The following TRPC6 variants were observed in gnomAD, a reference collection of about 807,000 sequenced individuals.
TRPC6 encodes transient receptor potential cation channel subfamily C member 6.
TRPC6 carries 55 observed loss-of-function variants against 90.7 expected under a neutral mutation model. That is an observed-to-expected ratio of 0.61 (90% CI 0.49 to 0.76). The LOEUF is 0.76. Among genes scored for constraint, TRPC6 ranks in the 30% least tolerant of loss-of-function variants. The pLI, the probability that TRPC6 is intolerant of heterozygous loss-of-function variation, is 0.00. For missense variants in TRPC6, 989 were observed against 1,122.7 expected (o/e 0.88, Z 1.70); for synonymous variants, 393 against 393.0 (o/e 1.00, Z 0.00).
rs1321025163 is a variant in TRPC6, at chr11:101,483,049, G to A, written c.1410C>T (p.Leu470=). 1 of 1,614,032 alleles carries A rather than the reference G, an allele frequency of 6.2e-7. No individual in the cohort carries two copies. The highest frequency in any genetic ancestry group is 1.7e-5 in the Admixed American group (1 of 60,000). The change falls in exon 5 of 13, where the codon CTC becomes CTT. Residue 470 remains leucine, a synonymous_variant. Transcript: ENST00000344327. ...TATCTGTGCTGGTTTCATTAGGAAG[G>A]AGTTTTGTGCCTTCAAATCTGTCAG... ...NAADRFEGTK[L]LPNETSTDNA...
chr11:101,485,373 C>G (rs1324093549), intron 4 of TRPC6, among the ~76,000 whole-genome samples: 3 of 151,544 alleles, frequency 2.0e-5, no homozygotes, highest in Admixed American at 6.6e-5. Context: ...TTTTCTTCTG[C>G]CTATTGTCCT....
At chr11:101,580,532 A>C (rs1248928967) in intron 1 of TRPC6, among the ~76,000 whole-genome samples, 1 of 152,192 alleles carries the variant, frequency 6.6e-6, no homozygotes, top group Non-Finnish European at 1.5e-5. Flanking sequence ...AAGATAATTT[A>C]CCATAATTTT....
At chr11:101,499,669 G>GTATA (rs1341193061) in intron 2 of TRPC6, among the ~76,000 whole-genome samples, 1 of 41,686 alleles carries the variant, frequency 2.4e-5, no homozygotes, top group African/African-American at 1.5e-4. Context: ...TATAAAATGT[G>GTATA]TATATATATA....
Position 101,511,792 on chromosome 11 carries a change from G to C in TRPC6, c.171-6994C>G, listed in dbSNP as rs947701391. Among the ~76,000 whole-genome samples the C allele has an allele frequency of 2.6e-5, 4 of 152,054 alleles. 1 individual carries two copies. The highest frequency in any genetic ancestry group is 4.8e-5 in the African/African-American group (2 of 41,366). Reference sequence around the variant, plus strand: ...GGATCACCTGAGGTCAGGAGTTTGAGATCGGCCTGGCCAACATGGTGAAAC... The same window carrying C: ...GGATCACCTGAGGTCAGGAGTTTGACATCGGCCTGGCCAACATGGTGAAAC... On this transcript the variant is annotated intron_variant, in intron 1 of 12. Transcript: ENST00000344327.
rs373238419 is a variant in TRPC6 at position 101,547,938 on chromosome 11, CTG to C, written c.170+35394_170+35395del. On this transcript the variant is annotated intron_variant, in intron 1 of 12. Coordinates refer to ENST00000344327, the MANE Select transcript of TRPC6 (RefSeq NM_004621.6). The stretch of plus-strand genomic sequence containing the variant: ...AGACAATTCTGACACCAAAATGTAA[CTG>C]TTATGTCAATACATATGCTGCAAAT... Among the ~76,000 whole-genome samples the C allele has an allele frequency of 1.1e-4, 16 of 152,216 alleles. No homozygotes were observed. In the East Asian group the frequency reaches 3.1e-3, roughly 29 times the overall value.
chr11:101,505,560 A>G (rs1860241787), intron 1 of TRPC6, among the ~76,000 whole-genome samples: 2 of 152,194 alleles, frequency 1.3e-5, no homozygotes, highest in Admixed American at 1.3e-4. Flanking sequence ...TATAGGTTTC[A>G]TTAATATGGG....
intron 1 of TRPC6, 35 bp from the exon 2 acceptor site, chr11:101,504,833 A>G: frequency 6.2e-7 from 1 of 1,607,394 alleles, no homozygotes; most frequent in Non-Finnish European, 8.5e-7. Flanking sequence ...AACAAATCAC[A>G]TTAAGAGCAT....
intron 1 of TRPC6, among the ~76,000 whole-genome samples, chr11:101,577,473 A>T (rs35868294): frequency 0.13 from 20,160 of 152,216 alleles, 1,814 homozygotes; most frequent in East Asian, 0.47. Flanking sequence ...AGGAGTAGAC[A>T]TATCTAATGT....
At chr11:101,556,854 C>A (rs2136854542) in intron 1 of TRPC6, among the ~76,000 whole-genome samples, 1 of 152,242 alleles carries the variant, frequency 6.6e-6, no homozygotes, top group African/African-American at 2.4e-5. Flanking sequence ...AAAAGATCAT[C>A]CTCCATGATC....
chr11:101,569,330 T>G (rs1428874895), intron 1 of TRPC6, among the ~76,000 whole-genome samples: 1 of 152,166 alleles, frequency 6.6e-6, no homozygotes, highest in Non-Finnish European at 1.5e-5. Flanking sequence ...ATCTTAAATA[T>G]ATGTGCACCC....
At chr11:101,528,705 A>G (rs570096995) in intron 1 of TRPC6, among the ~76,000 whole-genome samples, 9 of 152,274 alleles carry the variant, frequency 5.9e-5, no homozygotes, top group African/African-American at 2.2e-4. Flanking sequence ...GCCTGTGCAT[A>G]TCTGAAAAAC....
rs116946682 is a variant in TRPC6, at chr11:101,534,428, G to A, written c.171-29630C>T. 2.4e-3 allele frequency among the ~76,000 whole-genome samples: 371 copies of A among 152,194 alleles called. 11 individuals are homozygous for A. The East Asian group carries it at 0.062, about 26-fold the overall frequency. On this transcript the variant is annotated intron_variant, in intron 1 of 12. Transcript: ENST00000344327. Reference sequence around the variant, plus strand: ...TGGGATTACAGGCATTAGCCACTGCGACTGGTACCCCTTCACTTCTTATAC... The same window carrying A: ...TGGGATTACAGGCATTAGCCACTGCAACTGGTACCCCTTCACTTCTTATAC...
At chr11:101,523,253 C>T (rs1860702133) in intron 1 of TRPC6, among the ~76,000 whole-genome samples, 1 of 152,126 alleles carries the variant, frequency 6.6e-6, no homozygotes. Context: ...CTTTACTTGT[C>T]CCAAAACAGG....
intron 1 of TRPC6, among the ~76,000 whole-genome samples, chr11:101,547,491 A>G (rs1861333982): frequency 6.6e-6 from 1 of 151,534 alleles, no homozygotes; most frequent in Non-Finnish European, 1.5e-5. Flanking sequence ...GAAATTCCCA[A>G]AACCTTCTTG....
Position 101,452,783 on chromosome 11 carries a change from A to G in TRPC6, c.*172T>C. On this transcript the variant is annotated 3_prime_UTR_variant, in exon 13 of 13. Transcript: ENST00000344327. Reference sequence around the variant, plus strand: ...CTACAGCCTTTACCCTGAACAATGGAGTTTAATCACCAAAAAAATTAGATA... The same window carrying G: ...CTACAGCCTTTACCCTGAACAATGGGGTTTAATCACCAAAAAAATTAGATA... The G allele has an allele frequency of 1.5e-6, 1 of 675,558 alleles. No homozygotes were observed. Among genetic ancestry groups the G allele is most frequent in the South Asian group, 1.9e-5 (1 of 53,310 alleles). The allele number at this position is 675,558 out of a possible 1,614,324, so 41.8% of individuals were successfully genotyped here.
At position 101,459,010 on chromosome 11, in the gene TRPC6, G is replaced by A. The variant is rs935921606; in HGVS notation, c.2485-3909C>T. Among the ~76,000 whole-genome samples, 5 of 152,270 alleles carry A rather than the reference G, an allele frequency of 3.3e-5. No homozygotes were observed. In the East Asian group the frequency reaches 9.7e-4, roughly 29 times the overall value. On this transcript the variant is annotated intron_variant, in intron 10 of 12. Coordinates refer to ENST00000344327, the MANE Select transcript of TRPC6 (RefSeq NM_004621.6). The stretch of plus-strand genomic sequence containing the variant: ...GGCCAAACCATCTCATTAGCAATGG[G>A]CAAAAATTATTTGAAATATAAATGA...
chr11:101,570,263 G>A (rs1282530495), intron 1 of TRPC6, among the ~76,000 whole-genome samples: 1 of 152,160 alleles, frequency 6.6e-6, no homozygotes, highest in Non-Finnish European at 1.5e-5. Flanking sequence ...AAATAAAGTA[G>A]AAAATCTAGA....
intron 1 of TRPC6, among the ~76,000 whole-genome samples, chr11:101,549,021 T>G (rs1861392729): frequency 6.6e-6 from 1 of 151,966 alleles, no homozygotes; most frequent in Non-Finnish European, 1.5e-5. Context: ...CCTTCTGTTT[T>G]TTTTTGATGT....
chr11:101,582,944 C>A (rs898198261), intron 1 of TRPC6, among the ~76,000 whole-genome samples: 3 of 152,116 alleles, frequency 2.0e-5, no homozygotes. Flanking sequence ...GTCACCCGGG[C>A]GCACATCTGA....
Sources: allele counts gnomAD v4.1 joint callset (sites outside exome capture counted in the v4.1 genomes callset), GRCh38; gene constraint gnomAD v4.1.1; transcripts MANE v1.5; gene names NCBI Gene and HGNC (gene_info 2026-07-23, HGNC 2026-07-21).